Variants in TLL1 observed in about 807,000 individuals in gnomAD.
The protein encoded by TLL1 is tolloid like 1, also known as tolloid-like protein 1.
Under a neutral mutation model 128.2 loss-of-function variants are expected in TLL1, and 49 were observed. The observed-to-expected ratio is 0.38, with a 90% CI of 0.30 to 0.48. The LOEUF (loss-of-function observed/expected upper bound fraction) is 0.48, where lower values mean the gene tolerates loss of function less well. Ranked by LOEUF, TLL1 falls within the 20% of genes least tolerant of loss-of-function variation. The probability of loss-of-function intolerance (pLI) is 0.96; values close to 1 mark genes in which losing one functional copy is unlikely to be tolerated. For synonymous variants in TLL1, 454 were observed against 418.8 expected (o/e 1.08, Z -1.03); for missense variants, 1,123 against 1,242.0 (o/e 0.90, Z 1.44).
intron 12 of TLL1, among the ~76,000 whole-genome samples, chr4:166,054,048 T>G (rs1485638770): frequency 6.6e-6 from 1 of 152,152 alleles, no homozygotes; most frequent in Non-Finnish European, 1.5e-5. Context: ...TAGTTCCCCA[T>G]AAAGTGTCAT....
chr4:165,901,004 A>AT (rs35599554), intron 1 of TLL1, among the ~76,000 whole-genome samples: 43,948 of 151,190 alleles, frequency 0.29, 6,789 homozygotes, highest in East Asian at 0.51. Context: ...AACCTCTGAT[A>AT]TTTTTTCTTC....
intron 18 of TLL1, among the ~76,000 whole-genome samples, chr4:166,087,628 T>C (rs1741583789): frequency 6.6e-6 from 1 of 152,158 alleles, no homozygotes; most frequent in Non-Finnish European, 1.5e-5. Context: ...ATTTCTGCAT[T>C]AAGTGCTATC....
At chr4:165,969,255 G>A (rs1218107187) in intron 1 of TLL1, among the ~76,000 whole-genome samples, 2 of 151,954 alleles carry the variant, frequency 1.3e-5, no homozygotes, top group Admixed American at 6.6e-5. Context: ...TTTCCTGATG[G>A]TTGACCAGAT....
chr4:165,959,758 A>G (rs1735002547), intron 1 of TLL1, among the ~76,000 whole-genome samples: 1 of 152,154 alleles, frequency 6.6e-6, no homozygotes, highest in African/African-American at 2.4e-5. Flanking sequence ...GAAACACACA[A>G]TTAAGGCAGA....
At chr4:166,052,385 T>C (rs1183533956) in intron 12 of TLL1, among the ~76,000 whole-genome samples, 1 of 152,172 alleles carries the variant, frequency 6.6e-6, no homozygotes, top group Non-Finnish European at 1.5e-5. Flanking sequence ...AACCTCCACC[T>C]CCTGGGTTCA....
intron 1 of TLL1, among the ~76,000 whole-genome samples, chr4:165,912,834 T>C (rs1286248273): frequency 6.6e-6 from 1 of 151,930 alleles, no homozygotes; most frequent in Non-Finnish European, 1.5e-5. Context: ...AAACACATCA[T>C]AGAAAATTAC....
rs777372617 is a variant in TLL1, at chr4:166,077,986, T to G, written c.2398T>G (p.Cys800Gly). ...AGACAAGTACCCAAGCAGGAAAGAA[T>G]GCACTTGGGAAATCAGCGCCACTCC... ...WPDKYPSRKE[C>G]TWEISATPGH... Residue 800 changes from cysteine (C) to glycine (G), a missense_variant, in exon 18 of 21, where the codon TGC becomes GGC. Physicochemically the swap from Cys to Gly is radical, Grantham distance 159. Transcript: ENST00000061240. 6.2e-7 allele frequency: 1 copy of G among 1,613,752 alleles called. No individual in the cohort carries two copies. Among genetic ancestry groups the G allele is most frequent in the Non-Finnish European group, 8.5e-7 (1 of 1,179,786 alleles).
intron 1 of TLL1, among the ~76,000 whole-genome samples, chr4:165,890,870 T>G (rs1211843562): frequency 6.6e-6 from 1 of 152,230 alleles, no homozygotes; most frequent in African/African-American, 2.4e-5. Flanking sequence ...CCCTACATTT[T>G]CCTTCCATAC....
At chr4:165,986,684 C>T (rs1295602018) in intron 1 of TLL1, among the ~76,000 whole-genome samples, 1 of 151,958 alleles carries the variant, frequency 6.6e-6, no homozygotes, top group African/African-American at 2.4e-5. Flanking sequence ...TATCATCTAG[C>T]CTGGTGCCCT....
intron 16 of TLL1, among the ~76,000 whole-genome samples, chr4:166,067,100 T>G: frequency 6.6e-6 from 1 of 151,688 alleles, no homozygotes; most frequent in East Asian, 1.9e-4. Flanking sequence ...ACTATTTGGG[T>G]GATGGGTTCA....
At chr4:165,961,509 T>C (rs1451906290) in intron 1 of TLL1, among the ~76,000 whole-genome samples, 1 of 151,948 alleles carries the variant, frequency 6.6e-6, no homozygotes, top group South Asian at 2.1e-4. Flanking sequence ...CCTAAATAGT[T>C]AAAGTAATCC....
At chr4:165,988,518 A>G (rs1736488487) in intron 1 of TLL1, among the ~76,000 whole-genome samples, 1 of 152,052 alleles carries the variant, frequency 6.6e-6, no homozygotes, top group African/African-American at 2.4e-5. Flanking sequence ...AGTCGCAGCT[A>G]CTTGGGAAGC....
At chr4:166,049,617 T>C (rs930367302) in intron 12 of TLL1, among the ~76,000 whole-genome samples, 4 of 148,332 alleles carry the variant, frequency 2.7e-5, no homozygotes, top group Non-Finnish European at 6.0e-5. Context: ...TTAACATGTT[T>C]GAACTTTTTT....
chr4:166,073,944 G>A (rs966288997), intron 16 of TLL1, among the ~76,000 whole-genome samples: 1 of 152,082 alleles, frequency 6.6e-6, no homozygotes, highest in African/African-American at 2.4e-5. Context: ...GTGTGGGAGT[G>A]ATGAAAGTCT....
Position 165,929,285 on chromosome 4 carries a change from T to A in TLL1, c.169+55212T>A, listed in dbSNP as rs7698528. Among the ~76,000 whole-genome samples, 454 of 152,274 alleles carry A rather than the reference T, an allele frequency of 3.0e-3. 2 individuals carry two copies. Among genetic ancestry groups the A allele is most frequent in the African/African-American group, 9.2e-3 (381 of 41,552 alleles). On this transcript the variant is annotated intron_variant, in intron 1 of 20. Coordinates refer to ENST00000061240, the MANE Select transcript of TLL1 (RefSeq NM_012464.5). ...GAGGGAAACTCATCTTTCTATTGTTTAAAGAAGTAGAGGGAGGCCAAGGTG... is the reference window on the plus strand; with the variant it reads ...GAGGGAAACTCATCTTTCTATTGTTAAAAGAAGTAGAGGGAGGCCAAGGTG...
chr4:165,975,948 G>A (rs949949131), intron 1 of TLL1, among the ~76,000 whole-genome samples: 18 of 137,196 alleles, frequency 1.3e-4, no homozygotes, highest in African/African-American at 4.2e-4. Context: ...TGAGACAGGA[G>A]AATTGCTGGA....
intron 1 of TLL1, among the ~76,000 whole-genome samples, chr4:165,878,459 C>A (rs377652281): frequency 6.6e-6 from 1 of 151,932 alleles, no homozygotes; most frequent in Non-Finnish European, 1.5e-5. Flanking sequence ...ATATTCCATA[C>A]ACTTGAATTC....
At chr4:165,945,693 G>A (rs545431561) in intron 1 of TLL1, among the ~76,000 whole-genome samples, 42 of 152,174 alleles carry the variant, frequency 2.8e-4, no homozygotes, top group African/African-American at 7.9e-4. Context: ...AAATTAAAAC[G>A]GAAATGTAAA....
intron 15 of TLL1, among the ~76,000 whole-genome samples, chr4:166,063,669 T>G (rs1008840690): frequency 2.6e-5 from 4 of 152,056 alleles, no homozygotes; most frequent in African/African-American, 9.7e-5. Flanking sequence ...CCATAAAAAA[T>G]GATGAGTTCA....
Sources: allele counts gnomAD v4.1 joint callset (sites outside exome capture counted in the v4.1 genomes callset), GRCh38; gene constraint gnomAD v4.1.1; transcripts MANE v1.5; gene names NCBI Gene and HGNC (gene_info 2026-07-23, HGNC 2026-07-21).